OGA: variants seen among roughly 807,000 people sequenced by gnomAD.
The protein encoded by OGA is protein O-GlcNAcase.
In OGA, 21 loss-of-function variants were observed where a neutral mutation model predicts 102.0. That is an observed-to-expected ratio of 0.21 (90% CI 0.15 to 0.30). OGA has a LOEUF of 0.30. OGA is among the 10% of genes least tolerant of loss of function. OGA has a pLI of 1.00. For synonymous variants in OGA, 408 were observed against 378.2 expected (o/e 1.08, Z -0.91); for missense variants, 765 against 1,107.8 (o/e 0.69, Z 4.39).
At chr10:101,800,130 C>T in intron 8 of OGA, 112 bp downstream of exon 8, 1 of 1,220,780 alleles carries the variant, frequency 8.2e-7, no homozygotes, top group Non-Finnish European at 1.1e-6. Context: ...GCCTCGGCCT[C>T]CCAAAGTGCT....
chr10:101,790,792 T>A lies in OGA; in HGVS notation c.2454+104A>T, dbSNP rs1020800343. On this transcript the variant is annotated intron_variant, in intron 14 of 15. Coordinates refer to ENST00000361464, the MANE Select transcript of OGA (RefSeq NM_012215.5). ...TTTAGAAAGCACTAAGATTTTATGA[T>A]GTATCTATGTACTTTTCCATTTTAG... The A allele has an allele frequency of 2.8e-4, 220 of 773,820 alleles. 1 individual carries two copies. Among genetic ancestry groups the A allele is most frequent in the Non-Finnish European group, 4.1e-4 (214 of 520,046 alleles). The allele number at this position is 773,820 out of a possible 1,614,324, so 47.9% of individuals were successfully genotyped here.
At chr10:101,794,123 C>A in intron 10 of OGA, 125 bp from the exon 11 acceptor site, 1 of 626,536 alleles carries the variant, frequency 1.6e-6, no homozygotes, top group Non-Finnish European at 2.9e-6. Flanking sequence ...GGTTTCAGGG[C>A]AAGGCTATGA....
intron 11 of OGA, among the ~76,000 whole-genome samples, chr10:101,793,240 A>T (rs978718326): frequency 1.3e-5 from 2 of 151,718 alleles, no homozygotes; most frequent in African/African-American, 4.8e-5. Flanking sequence ...TGACAAATCT[A>T]TTTTTTTTTA....
chr10:101,792,781 T>C, intron 12 of OGA, 58 bp downstream of exon 12: 1 of 1,237,596 alleles, frequency 8.1e-7, no homozygotes, highest in Non-Finnish European at 1.2e-6. Context: ...GTTAAAAGGT[T>C]AAGTTTTAAG....
At chr10:101,796,556 GGTCA>G (rs1295982043) in intron 10 of OGA, among the ~76,000 whole-genome samples, 1 of 151,452 alleles carries the variant, frequency 6.6e-6, no homozygotes, top group African/African-American at 2.4e-5. Flanking sequence ...CGCTGCGCAC[GGTCA>G]GTATTTCCTT....
At chr10:101,814,914 TC>T (rs1414933728) in intron 1 of OGA, among the ~76,000 whole-genome samples, 1 of 152,176 alleles carries the variant, frequency 6.6e-6, no homozygotes, top group Non-Finnish European at 1.5e-5. Flanking sequence ...TATCTGGAAC[TC>T]CCTAGTGTGC....
intron 1 of OGA, among the ~76,000 whole-genome samples, chr10:101,817,207 C>T (rs1428057696): frequency 6.6e-6 from 1 of 152,228 alleles, no homozygotes; most frequent in Admixed American, 6.5e-5. Flanking sequence ...ATTCCAATTA[C>T]GCATCTCAGA....
intron 1 of OGA, among the ~76,000 whole-genome samples, chr10:101,816,476 T>C (rs1174519467): frequency 6.6e-6 from 1 of 152,236 alleles, no homozygotes; most frequent in African/African-American, 2.4e-5. Flanking sequence ...GAAGGTATAA[T>C]GGACTGGCAA....
At chr10:101,811,406 G>GAAAAAAAAAAAAAAAA (rs67433227) in intron 3 of OGA, among the ~76,000 whole-genome samples, 2 of 45,704 alleles carry the variant, frequency 4.4e-5, no homozygotes, top group Non-Finnish European at 3.7e-5. Context: ...GAAAAAAAAT[G>GAAAAAAAAAAAAAAAA]AAAAAAAAAA....
chr10:101,802,978 TAAAAAAAAAAA>T lies in OGA; in HGVS notation c.1036+746_1036+756del, dbSNP rs764237378. Among the ~76,000 whole-genome samples the T allele has an allele frequency of 1.5e-4, 10 of 68,596 alleles. No homozygotes were observed. The South Asian group carries it at 2.0e-3, about 14-fold the overall frequency. The allele number at this position is 68,596 out of a possible 152,430, so 45.0% of individuals were successfully genotyped here. ...AGATGGTGAAACCCTGTCTCTACTT[TAAAAAAAAAAA>T]AAAAAAAAAAAAAAAGCCGGGTGTG... is the stretch of plus-strand genomic sequence containing the variant. On this transcript the variant is annotated intron_variant, in intron 7 of 15. Coordinates refer to ENST00000361464, the MANE Select transcript of OGA (RefSeq NM_012215.5).
At chr10:101,815,276 A>T (rs1365552577) in intron 1 of OGA, among the ~76,000 whole-genome samples, 1 of 151,524 alleles carries the variant, frequency 6.6e-6, no homozygotes, top group Non-Finnish European at 1.5e-5. Flanking sequence ...AGTGATACAA[A>T]ATATTCTTTT....
Position 101,818,140 on chromosome 10 carries a change from T to G in OGA, c.-118A>C. On this transcript the variant is annotated 5_prime_UTR_variant, in exon 1 of 16. Coordinates refer to ENST00000361464, the MANE Select transcript of OGA (RefSeq NM_012215.5). ...CCAAGTGTGCGCCCCTCCGGCTCCT[T>G]CCCCTCCCCCTCTGCCCTTCCCCCT... is the stretch of plus-strand genomic sequence containing the variant. 1.4e-6 allele frequency: 2 copies of G among 1,387,784 alleles called. No individual in the cohort carries two copies. The highest frequency in any genetic ancestry group is 1.9e-6 in the Non-Finnish European group (2 of 1,072,674). The allele number at this position is 1,387,784 out of a possible 1,614,324, so 86.0% of individuals were successfully genotyped here. A position where few individuals can be genotyped will look rare whatever the true frequency, so the allele number is the denominator to read the frequency against.
rs915373205 is a variant in OGA at position 101,785,885 on chromosome 10, G to A, written c.*566C>T. 6.6e-6 allele frequency: 1 copy of A among 152,200 alleles called. No homozygotes were observed. The allele number at this position is 152,200 out of a possible 1,614,324, so 9.4% of individuals were successfully genotyped here. A position where few individuals can be genotyped will look rare whatever the true frequency, so the allele number is the denominator to read the frequency against. ...ATGCCTGAACCAACAGTCATTACAG[G>A]AGACAATTGGCCACGGCTTTACAAA... is the stretch of plus-strand genomic sequence containing the variant. On this transcript the variant is annotated 3_prime_UTR_variant, in exon 16 of 16. Coordinates refer to ENST00000361464, the MANE Select transcript of OGA (RefSeq NM_012215.5).
chr10:101,807,999 A>T (rs1356280096), intron 4 of OGA, 98 bp from the exon 5 acceptor site: 1 of 989,962 alleles, frequency 1.0e-6, no homozygotes, highest in African/African-American at 1.7e-5. Flanking sequence ...TATTTTCCTT[A>T]CTAGAATGTT....
chr10:101,802,440 CAGG>C (rs1224746065), intron 7 of OGA, among the ~76,000 whole-genome samples: 2 of 152,112 alleles, frequency 1.3e-5, no homozygotes, highest in East Asian at 1.9e-4. Context: ...TTGGGAAGCC[CAGG>C]AGGGCGGATC....
chr10:101,816,300 C>T (rs1193577619), intron 1 of OGA, among the ~76,000 whole-genome samples: 1 of 152,156 alleles, frequency 6.6e-6, no homozygotes, highest in African/African-American at 2.4e-5. Flanking sequence ...AAAATCAGTG[C>T]TGGCTCAGGT....
chr10:101,805,943 A>G (rs2065466776), intron 6 of OGA, 102 bp downstream of exon 6: 1 of 731,656 alleles, frequency 1.4e-6, no homozygotes, highest in Non-Finnish European at 2.4e-6. Context: ...CGACAGAGTG[A>G]GACTCCGTCT....
At chr10:101,804,272 CTTTTTTT>C (rs965762850) in intron 6 of OGA, among the ~76,000 whole-genome samples, 1 of 131,938 alleles carries the variant, frequency 7.6e-6, no homozygotes, top group African/African-American at 2.8e-5. Flanking sequence ...CTTACGTGTA[CTTTTTTT>C]TTTTTTTTTT....
chr10:101,814,847 T>C (rs995243101), intron 1 of OGA, among the ~76,000 whole-genome samples: 1 of 152,218 alleles, frequency 6.6e-6, no homozygotes, highest in Non-Finnish European at 1.5e-5. Context: ...ATGCACACAC[T>C]GCAGAAAACA....
Sources: gnomAD v4.1 joint callset for allele counts (sites outside exome capture counted in the v4.1 genomes callset) on GRCh38, gnomAD v4.1.1 for gene constraint, MANE v1.5 for transcripts, NCBI Gene and HGNC (gene_info 2026-07-23, HGNC 2026-07-21) for gene names.